NCMAP: variants seen among roughly 807,000 people sequenced by gnomAD.
NCMAP encodes the protein non-compact myelin associated protein, also known as noncompact myelin-associated protein.
NCMAP carries 8 observed loss-of-function variants against 7.8 expected under a neutral mutation model. That is an observed-to-expected ratio of 1.02 (90% confidence interval 0.60 to 1.84). NCMAP has a LOEUF of 1.84. NCMAP is among the 40% of genes most tolerant of loss of function. NCMAP has a pLI of 0.00. For missense variants in NCMAP, 112 were observed against 131.4 expected, an observed-to-expected ratio of 0.85 and a Z score of 0.72; for synonymous variants, 41 against 52.9, an observed-to-expected ratio of 0.78 and a Z score of 0.98.
intron 2 of NCMAP, among the ~76,000 whole-genome samples, chr1:24,598,913 C>T (rs1004224086): frequency 1.3e-5 from 2 of 151,412 alleles, no homozygotes; most frequent in Non-Finnish European, 2.9e-5. Context: ...GCTGGGATTA[C>T]AGGCGTGAGC....
chr1:24,575,821 T>C (rs1432477167), intron 1 of NCMAP, among the ~76,000 whole-genome samples: 1 of 149,140 alleles, frequency 6.7e-6, no homozygotes, highest in Non-Finnish European at 1.5e-5. Flanking sequence ...GGCATGTGCC[T>C]GTAATTCCAG....
chr1:24,607,052 TG>T lies in NCMAP; in HGVS notation c.*1307del, dbSNP rs1309203878. ...ATCTGTCACCTGGGCTGGAGTGCAG[TG>T]GCACGCTCACAGCTCGCTGCAGCCT... On this transcript the variant is annotated 3_prime_UTR_variant, in exon 4 of 4. Transcript: ENST00000374392. The T allele has an allele frequency of 2.0e-5, 3 of 151,564 alleles. No individual in the cohort carries two copies. Among genetic ancestry groups the T allele is most frequent in the African/African-American group, 7.3e-5 (3 of 41,180 alleles). The allele number at this position is 151,564 out of a possible 1,614,324, so 9.4% of individuals were successfully genotyped here.
intron 1 of NCMAP, among the ~76,000 whole-genome samples, chr1:24,567,079 G>A (rs1240884399): frequency 6.6e-6 from 1 of 152,108 alleles, no homozygotes; most frequent in African/African-American, 2.4e-5. Flanking sequence ...TCAGGGATCC[G>A]GACCCCAGAG....
intron 3 of NCMAP, among the ~76,000 whole-genome samples, chr1:24,602,727 C>T (rs559216073): frequency 1.3e-5 from 2 of 150,080 alleles, no homozygotes; most frequent in East Asian, 3.9e-4. Context: ...CATAGCAAGA[C>T]CCTGTCTCTG....
At chr1:24,585,561 T>G (rs1257335988) in intron 1 of NCMAP, among the ~76,000 whole-genome samples, 4 of 152,184 alleles carry the variant, frequency 2.6e-5, no homozygotes, top group Non-Finnish European at 4.4e-5. Context: ...GAAAAGCCCT[T>G]AGAGATGATC....
At chr1:24,595,150 C>A (rs564430799) in intron 1 of NCMAP, among the ~76,000 whole-genome samples, 1 of 152,038 alleles carries the variant, frequency 6.6e-6, no homozygotes, top group Non-Finnish European at 1.5e-5. Context: ...CACATAGTTT[C>A]GAGAGATTGA....
chr1:24,587,608 G>A (rs1651929310), intron 1 of NCMAP, among the ~76,000 whole-genome samples: 1 of 152,070 alleles, frequency 6.6e-6, no homozygotes, highest in African/African-American at 2.4e-5. Flanking sequence ...CTGCCTCCCA[G>A]GCTCAAGCAA....
rs565961041 is a variant in NCMAP, at chr1:24,589,788, G to A, written c.-7-5636G>A. ...TCACAAACCAGCTCTGTAGCTTTGG[G>A]GCTACGTAAGTGTGGATAGTTAGCT... On this transcript the variant is annotated intron_variant, in intron 1 of 3. Coordinates refer to ENST00000374392, the MANE Select transcript of NCMAP (RefSeq NM_001010980.5). 2.1e-4 allele frequency among the ~76,000 whole-genome samples: 32 copies of A among 152,258 alleles called. No homozygotes were observed. In the South Asian group the frequency reaches 4.6e-3, roughly 22 times the overall value.
At chr1:24,591,611 T>A (rs571313228) in intron 1 of NCMAP, among the ~76,000 whole-genome samples, 1 of 152,162 alleles carries the variant, frequency 6.6e-6, no homozygotes, top group South Asian at 2.1e-4. Context: ...TGGGGAGCAA[T>A]AGGGCATGGC....
At chr1:24,571,262 G>A (rs1347294556) in intron 1 of NCMAP, among the ~76,000 whole-genome samples, 2 of 150,562 alleles carry the variant, frequency 1.3e-5, no homozygotes, top group African/African-American at 5.0e-5. Context: ...GGATCACGGG[G>A]TCAGGAGTTC....
intron 1 of NCMAP, among the ~76,000 whole-genome samples, chr1:24,577,420 T>TTTTTTTTTTTTTTTG (rs1557596597): frequency 5.6e-5 from 8 of 143,852 alleles, no homozygotes; most frequent in East Asian, 2.2e-4. Flanking sequence ...TTTTTTTTTT[T>TTTTTTTTTTTTTTTG]TTTTTTTTTT....
At chr1:24,556,940 G>A (rs372093286) in intron 1 of NCMAP, among the ~76,000 whole-genome samples, 7 of 152,172 alleles carry the variant, frequency 4.6e-5, no homozygotes, top group East Asian at 3.8e-4. Context: ...AGCCAAGGCC[G>A]TCCAACAGTC....
chr1:24,564,513 CAAA>C (rs1184189345), intron 1 of NCMAP, among the ~76,000 whole-genome samples: 1 of 50,016 alleles, frequency 2.0e-5, no homozygotes, highest in Non-Finnish European at 3.1e-5. Flanking sequence ...GATTCTGTCT[CAAA>C]AAAAAAAAAA....
At position 24,606,926 on chromosome 1, in the gene NCMAP, A is replaced by G. The variant is rs965459104; in HGVS notation, c.*1179A>G. 5 of 152,168 alleles carry G rather than the reference A, an allele frequency of 3.3e-5. No individual in the cohort carries two copies. The highest frequency in any genetic ancestry group is 1.2e-4 in the African/African-American group (5 of 41,402). The allele number at this position is 152,168 out of a possible 1,614,324, so 9.4% of individuals were successfully genotyped here. A position where few individuals can be genotyped will look rare whatever the true frequency, so the allele number is the denominator to read the frequency against. ...AAGGACTTAGGAAAACATCTGGAGT[A>G]TAGCGCCTGGCACCCAGGAGATGCT... On this transcript the variant is annotated 3_prime_UTR_variant, in exon 4 of 4. Coordinates refer to ENST00000374392, the MANE Select transcript of NCMAP (RefSeq NM_001010980.5).
intron 1 of NCMAP, among the ~76,000 whole-genome samples, chr1:24,557,765 GCT>G (rs1650946038): frequency 1.3e-5 from 2 of 152,196 alleles, no homozygotes; most frequent in African/African-American, 4.8e-5. Context: ...TCCCTGCTGG[GCT>G]CTGTGCTGGC....
At chr1:24,578,568 T>C (rs1466655050) in intron 1 of NCMAP, among the ~76,000 whole-genome samples, 1 of 146,700 alleles carries the variant, frequency 6.8e-6, no homozygotes, top group Non-Finnish European at 1.5e-5. Context: ...TTCTTTTTTT[T>C]TTTTTTTTTT....
At chr1:24,560,012 T>A (rs900703328) in intron 1 of NCMAP, among the ~76,000 whole-genome samples, 5 of 151,568 alleles carry the variant, frequency 3.3e-5, no homozygotes, top group African/African-American at 1.2e-4. Context: ...ATACAAAAAA[T>A]TAGCCGGGCG....
intron 1 of NCMAP, among the ~76,000 whole-genome samples, chr1:24,579,154 C>T (rs187960502): frequency 4.7e-4 from 71 of 151,734 alleles, no homozygotes; most frequent in African/African-American, 1.7e-3. Context: ...TGGGTGCATC[C>T]TCCAGGGGCT....
chr1:24,565,572 T>TTGTGTGTGTGTGTGTG lies in NCMAP; in HGVS notation c.-8+9431_-8+9446dup, dbSNP rs58714256. On this transcript the variant is annotated intron_variant, in intron 1 of 3. Transcript: ENST00000374392. The stretch of plus-strand genomic sequence containing the variant: ...GGCCATTTTTAGAAGTGATAGAAGA[T>TTGTGTGTGTGTGTGTG]TGTGTGTGTGTGTGTGTGTGTGTGT... 1.2e-3 allele frequency among the ~76,000 whole-genome samples: 175 copies of TTGTGTGTGTGTGTGTG among 143,762 alleles called. 3 individuals are homozygous for TTGTGTGTGTGTGTGTG. The highest frequency in any genetic ancestry group is 3.8e-3 in the African/African-American group (148 of 38,772). The allele number at this position is 143,762 out of a possible 152,430, so 94.3% of individuals were successfully genotyped here. A position where few individuals can be genotyped will look rare whatever the true frequency, so the allele number is the denominator to read the frequency against.
Sources: allele counts gnomAD v4.1 joint callset (sites outside exome capture counted in the v4.1 genomes callset), GRCh38; gene constraint gnomAD v4.1.1; transcripts MANE v1.5; gene names NCBI Gene and HGNC (gene_info 2026-07-23, HGNC 2026-07-21).